Variants in DISC1 observed in about 807,000 individuals in gnomAD.
DISC1 encodes the protein DISC1 scaffold protein, also known as disrupted in schizophrenia 1 protein.
In DISC1, 57 loss-of-function variants were observed where a neutral mutation model predicts 84.5. That is an observed-to-expected ratio of 0.67 (90% CI 0.55 to 0.84). DISC1 has a LOEUF of 0.84. Ranked by LOEUF, DISC1 falls within the 40% of genes least tolerant of loss-of-function variation. The pLI, the probability that DISC1 is intolerant of heterozygous loss-of-function variation, is 0.00. For missense variants in DISC1, 1,000 were observed against 1,057.8 expected (o/e 0.95, Z 0.76); for synonymous variants, 411 against 415.2 (o/e 0.99, Z 0.12).
intron 10 of DISC1, among the ~76,000 whole-genome samples, chr1:231,987,123 C>CTGCAGAG (rs1214367863): frequency 2.0e-5 from 3 of 152,342 alleles, no homozygotes; most frequent in African/African-American, 7.2e-5. Context: ...ATATTGATGT[C>CTGCAGAG]AGCCTGTTTG....
At chr1:231,952,715 G>A (rs12043372) in intron 9 of DISC1, among the ~76,000 whole-genome samples, 7,113 of 107,406 alleles carry the variant, frequency 0.066, 197 homozygotes, top group Middle Eastern at 0.14. Context: ...ATATATATAT[G>A]TATATATATA....
At chr1:231,836,239 T>C (rs12132978) in intron 9 of DISC1, among the ~76,000 whole-genome samples, 34,966 of 152,130 alleles carry the variant, frequency 0.23, 4,304 homozygotes, top group Non-Finnish European at 0.26. Context: ...AAACAACTCC[T>C]GCTTACAGGA....
rs2061658668 is a variant in DISC1 at position 231,662,679 on chromosome 1, G to A, written c.68-31147G>A. Among the ~76,000 whole-genome samples the A allele has an allele frequency of 2.6e-5, 4 of 152,230 alleles. No individual in the cohort carries two copies. In the South Asian group the frequency reaches 6.2e-4, roughly 24 times the overall value. ...CCCTGGAAACTCGGACCTATCTCAG[G>A]CAGATTCCAGCCTGTTGCTGTTGTA... is the stretch of plus-strand genomic sequence containing the variant. On this transcript the variant is annotated intron_variant, in intron 1 of 12. Coordinates refer to ENST00000439617, the MANE Select transcript of DISC1 (RefSeq NM_018662.3).
chr1:231,956,619 C>A (rs2102740542), intron 9 of DISC1, among the ~76,000 whole-genome samples: 1 of 152,270 alleles, frequency 6.6e-6, no homozygotes, highest in East Asian at 1.9e-4. Context: ...GTTACTACAG[C>A]TGTGCAACAA....
At chr1:231,690,121 C>T (rs1396889179) in intron 1 of DISC1, among the ~76,000 whole-genome samples, 1 of 152,174 alleles carries the variant, frequency 6.6e-6, no homozygotes, top group Non-Finnish European at 1.5e-5. Flanking sequence ...TGTATAGAGA[C>T]CCATTGACAT....
intron 3 of DISC1, among the ~76,000 whole-genome samples, chr1:231,721,449 A>G (rs1405657946): frequency 6.6e-6 from 1 of 152,238 alleles, no homozygotes; most frequent in African/African-American, 2.4e-5. Context: ...TGAGATTAAT[A>G]TTTGATGCAT....
At chr1:231,705,768 G>T (rs1202629326) in intron 3 of DISC1, among the ~76,000 whole-genome samples, 1 of 152,066 alleles carries the variant, frequency 6.6e-6, no homozygotes, top group Admixed American at 6.6e-5. Context: ...TTTAAGAATT[G>T]TTGAGTTTTT....
At chr1:231,734,313 G>T (rs1449645709) in intron 3 of DISC1, among the ~76,000 whole-genome samples, 3 of 152,164 alleles carry the variant, frequency 2.0e-5, no homozygotes, top group Non-Finnish European at 4.4e-5. Context: ...TTTGGTGAAA[G>T]AACACTTTAT....
intron 9 of DISC1, among the ~76,000 whole-genome samples, chr1:231,945,861 G>A (rs1200163015): frequency 6.6e-6 from 1 of 152,082 alleles, no homozygotes; most frequent in African/African-American, 2.4e-5. Flanking sequence ...TAGAAAATCT[G>A]GAAGAAATGG....
chr1:231,770,744 G>A, intron 5 of DISC1, 91 bp from the exon 6 acceptor site: 1 of 1,552,156 alleles, frequency 6.4e-7, no homozygotes, highest in Non-Finnish European at 8.7e-7. Context: ...GGTGCATATG[G>A]CCAATTCTCA....
At chr1:231,723,940 A>G in intron 3 of DISC1, 1 of 985,426 alleles carries the variant, frequency 1.0e-6, no homozygotes, top group Non-Finnish European at 1.2e-6. Context: ...AGTGGCTTTC[A>G]CAGTTTGTGA....
intron 6 of DISC1, among the ~76,000 whole-genome samples, chr1:231,779,091 C>T (rs2077180314): frequency 1.3e-5 from 2 of 152,128 alleles, no homozygotes; most frequent in Admixed American, 1.3e-4. Context: ...GTCTCACACC[C>T]CTGCACCTAA....
intron 9 of DISC1, among the ~76,000 whole-genome samples, chr1:231,937,411 G>T (rs549052264): frequency 6.6e-6 from 1 of 152,316 alleles, no homozygotes; most frequent in African/African-American, 2.4e-5. Context: ...AGAGATCAGG[G>T]GGATCGATCT....
At position 231,860,946 on chromosome 1, in the gene DISC1, G is replaced by C. The variant is rs939873946; in HGVS notation, c.1981+42429G>C. Among the ~76,000 whole-genome samples, 9 of 152,312 alleles carry C rather than the reference G, an allele frequency of 5.9e-5. No homozygotes were observed. In the East Asian group the frequency reaches 1.7e-3, roughly 29 times the overall value. On this transcript the variant is annotated intron_variant, in intron 9 of 12. Coordinates refer to ENST00000439617, the MANE Select transcript of DISC1 (RefSeq NM_018662.3). ...GGCAGAATTGCAGACTGCATTTTTG[G>C]ACCTAGCAGTTGAAGATGATTCTGT...
At chr1:232,006,119 A>G (rs1200018677) in intron 10 of DISC1, among the ~76,000 whole-genome samples, 6 of 152,152 alleles carry the variant, frequency 3.9e-5, no homozygotes, top group African/African-American at 1.4e-4. Flanking sequence ...GTCATGGTTT[A>G]TATCATCCCT....
intron 3 of DISC1, among the ~76,000 whole-genome samples, chr1:231,704,113 AG>A (rs1481280917): frequency 1.3e-5 from 2 of 152,292 alleles, no homozygotes; most frequent in Middle Eastern, 6.8e-3. Flanking sequence ...CAGTGTGTTG[AG>A]AGGTAAATGT....
intron 1 of DISC1, among the ~76,000 whole-genome samples, chr1:231,690,942 C>T (rs1390411633): frequency 6.6e-6 from 1 of 152,192 alleles, no homozygotes; most frequent in Admixed American, 6.5e-5. Flanking sequence ...GTTCCCATAT[C>T]TCATTCCCAC....
chr1:231,755,645 G>A (rs988933223), intron 4 of DISC1, among the ~76,000 whole-genome samples: 4 of 151,966 alleles, frequency 2.6e-5, no homozygotes, highest in African/African-American at 7.3e-5. Context: ...ATTTACCGTT[G>A]TTCTCCCCAT....
chr1:231,885,840 C>A (rs2086641658), intron 9 of DISC1, among the ~76,000 whole-genome samples: 1 of 152,096 alleles, frequency 6.6e-6, no homozygotes, highest in Admixed American at 6.5e-5. Context: ...GCTAAGACTG[C>A]AAGATCAAAT....
Sources: gnomAD v4.1 joint callset for allele counts (sites outside exome capture counted in the v4.1 genomes callset) on GRCh38, gnomAD v4.1.1 for gene constraint, MANE v1.5 for transcripts, NCBI Gene and HGNC (gene_info 2026-07-23, HGNC 2026-07-21) for gene names.